NRP1: variants seen among roughly 807,000 people sequenced by gnomAD.
NRP1 encodes neuropilin 1.
Under a neutral mutation model 106.7 loss-of-function variants are expected in NRP1, and 35 were observed. That is an observed-to-expected ratio of 0.33 (90% CI 0.25 to 0.43). The LOEUF is 0.43. Among genes scored for constraint, NRP1 ranks in the 20% least tolerant of loss-of-function variants. NRP1 has a pLI of 1.00. For synonymous variants in NRP1, 437 were observed against 417.9 expected (o/e 1.05, Z -0.56); for missense variants, 1,024 against 1,170.4 (o/e 0.87, Z 1.83).
chr10:33,281,051 C>T (rs1844089974), intron 2 of NRP1, among the ~76,000 whole-genome samples: 1 of 118,758 alleles, frequency 8.4e-6, no homozygotes, highest in Non-Finnish European at 1.9e-5. Context: ...TGCAGCCTTC[C>T]AAATTTTTTT....
intron 12 of NRP1, 104 bp from the exon 13 acceptor site, chr10:33,192,522 T>C: frequency 8.3e-7 from 1 of 1,200,398 alleles, no homozygotes; most frequent in South Asian, 1.5e-5. Flanking sequence ...GCACGATTTA[T>C]ACAACTTTAT....
At chr10:33,194,546 A>T in intron 12 of NRP1, 1 of 292,720 alleles carries the variant, frequency 3.4e-6, no homozygotes, top group East Asian at 7.9e-5. Context: ...TGTTTCAGGC[A>T]CTTCTCGCTT....
intron 2 of NRP1, among the ~76,000 whole-genome samples, chr10:33,296,406 T>G (rs1448008380): frequency 6.6e-6 from 1 of 152,186 alleles, no homozygotes; most frequent in Non-Finnish European, 1.5e-5. Flanking sequence ...TCCTGCTCCT[T>G]ACACCCAAGC....
At chr10:33,287,326 C>T (rs1844640157) in intron 2 of NRP1, among the ~76,000 whole-genome samples, 1 of 152,164 alleles carries the variant, frequency 6.6e-6, no homozygotes, top group South Asian at 2.1e-4. Context: ...ATATTGATTT[C>T]TTCCATGGCA....
intron 10 of NRP1, chr10:33,206,196 C>T (rs555823134): frequency 5.2e-5 from 27 of 518,720 alleles, no homozygotes; most frequent in East Asian, 1.1e-4. Flanking sequence ...GCTACAGATT[C>T]GCATCCAGGG....
At chr10:33,238,538 G>C (rs567674173) in intron 6 of NRP1, among the ~76,000 whole-genome samples, 1 of 152,310 alleles carries the variant, frequency 6.6e-6, no homozygotes, top group South Asian at 2.1e-4. Flanking sequence ...GAGGGAAAGA[G>C]TCAAGTAAAT....
chr10:33,320,100 G>T (rs1406132978), intron 2 of NRP1, among the ~76,000 whole-genome samples: 1 of 151,594 alleles, frequency 6.6e-6, no homozygotes, highest in Admixed American at 6.6e-5. Flanking sequence ...ATCACCTGAG[G>T]TCAGGAGTTT....
At chr10:33,299,795 T>C (rs886128844) in intron 2 of NRP1, among the ~76,000 whole-genome samples, 1 of 152,094 alleles carries the variant, frequency 6.6e-6, no homozygotes, top group African/African-American at 2.4e-5. Flanking sequence ...CTAAAAAAAA[T>C]AAACCAATTG....
At chr10:33,221,995 A>T (rs900529638) in intron 7 of NRP1, 132 bp from the exon 8 acceptor site, 1 of 894,788 alleles carries the variant, frequency 1.1e-6, no homozygotes, top group African/African-American at 1.7e-5. Flanking sequence ...TGGCGTTAAT[A>T]ACTCGCCATG....
At chr10:33,311,126 A>G (rs1846580017) in intron 2 of NRP1, among the ~76,000 whole-genome samples, 1 of 152,228 alleles carries the variant, frequency 6.6e-6, no homozygotes, top group African/African-American at 2.4e-5. Flanking sequence ...GGTGTCTAAC[A>G]TGGAGAATAC....
chr10:33,332,855 G>A (rs530393888), intron 1 of NRP1, among the ~76,000 whole-genome samples: 1 of 149,158 alleles, frequency 6.7e-6, no homozygotes, highest in African/African-American at 2.5e-5. Context: ...GCATTCCCCA[G>A]ATTTCTGCTA....
intron 2 of NRP1, among the ~76,000 whole-genome samples, chr10:33,293,656 C>T (rs1329435464): frequency 1.3e-5 from 2 of 152,184 alleles, no homozygotes; most frequent in Non-Finnish European, 2.9e-5. Flanking sequence ...ACTCAGCATT[C>T]AGCAAAGAGG....
At chr10:33,218,999 T>G (rs1373953691) in intron 8 of NRP1, among the ~76,000 whole-genome samples, 1 of 152,186 alleles carries the variant, frequency 6.6e-6, no homozygotes, top group African/African-American at 2.4e-5. Context: ...TTCATTAATC[T>G]CTACTCAAGG....
chr10:33,181,690 A>G (rs1036068421), intron 16 of NRP1, among the ~76,000 whole-genome samples: 2 of 152,238 alleles, frequency 1.3e-5, no homozygotes, highest in African/African-American at 2.4e-5. Context: ...TTTATAGTTC[A>G]TCAGGCTAAA....
At chr10:33,258,926 C>A (rs916680502) in intron 4 of NRP1, among the ~76,000 whole-genome samples, 8 of 152,150 alleles carry the variant, frequency 5.3e-5, no homozygotes, top group African/African-American at 1.9e-4. Flanking sequence ...TTTTTTCCCT[C>A]ATTTAAATTA....
intron 2 of NRP1, among the ~76,000 whole-genome samples, chr10:33,292,171 C>T (rs964786083): frequency 2.0e-5 from 3 of 152,220 alleles, no homozygotes; most frequent in Admixed American, 6.5e-5. Context: ...GCTGGGATTA[C>T]AGGCATGAGT....
chr10:33,233,866 G>A (rs1360222169), intron 6 of NRP1, among the ~76,000 whole-genome samples: 3 of 152,126 alleles, frequency 2.0e-5, no homozygotes, highest in Non-Finnish European at 2.9e-5. Flanking sequence ...TTAAGCAATT[G>A]TCTCATTTCC....
chr10:33,226,940 C>T (rs61843160), intron 6 of NRP1, among the ~76,000 whole-genome samples: 2 of 152,154 alleles, frequency 1.3e-5, no homozygotes, highest in African/African-American at 2.4e-5. Flanking sequence ...CCCAGACCAC[C>T]TTGGGTTTAT....
rs545448276 is a variant in NRP1, at chr10:33,292,753, C to T, written c.249-21897G>A. ...CTGTAATCCCAGCACTTTGGGAGGC[C>T]GAGGTGGGTGGGTTACCTGAGGTCA... On this transcript the variant is annotated intron_variant, in intron 2 of 16. Transcript: ENST00000374867. Among the ~76,000 whole-genome samples, 24 of 152,222 alleles carry T rather than the reference C, an allele frequency of 1.6e-4. No homozygotes were observed. In the South Asian group the frequency reaches 3.9e-3, roughly 25 times the overall value.
Sources: allele counts gnomAD v4.1 joint callset (sites outside exome capture counted in the v4.1 genomes callset), GRCh38; gene constraint gnomAD v4.1.1; transcripts MANE v1.5; gene names NCBI Gene and HGNC (gene_info 2026-07-23, HGNC 2026-07-21).